ROR1: variants seen among roughly 807,000 people sequenced by gnomAD.
ROR1 encodes inactive tyrosine-protein kinase transmembrane receptor ROR1.
Under a neutral mutation model 78.8 loss-of-function variants are expected in ROR1, and 19 were observed. That is an observed-to-expected ratio of 0.24 (90% CI 0.17 to 0.35). ROR1 has a LOEUF of 0.35. ROR1 is among the 10% of genes least tolerant of loss of function. The pLI, the probability that ROR1 is intolerant of heterozygous loss-of-function variation, is 1.00. For synonymous variants in ROR1, 386 were observed against 433.6 expected, an observed-to-expected ratio of 0.89 and a Z score of 1.36; for missense variants, 917 against 1,177.8, an observed-to-expected ratio of 0.78 and a Z score of 3.24.
At chr1:63,999,123 A>G (rs114108172) in intron 1 of ROR1, among the ~76,000 whole-genome samples, 130 of 152,370 alleles carry the variant, frequency 8.5e-4, no homozygotes, top group African/African-American at 3.1e-3. Context: ...AGACTAATAC[A>G]GAAATACAGA....
At chr1:63,926,550 G>A (rs553599324) in intron 1 of ROR1, among the ~76,000 whole-genome samples, 2 of 142,530 alleles carry the variant, frequency 1.4e-5, no homozygotes, top group South Asian at 2.4e-4. Context: ...GTGAAGAAAG[G>A]CATTGGTAGC....
intron 1 of ROR1, among the ~76,000 whole-genome samples, chr1:63,785,962 A>G (rs1050023887): frequency 6.6e-6 from 1 of 152,170 alleles, no homozygotes; most frequent in South Asian, 2.1e-4. Context: ...GCCTGTGACC[A>G]GGTAGTCTTC....
intron 4 of ROR1, among the ~76,000 whole-genome samples, chr1:64,124,785 A>C (rs750337393): frequency 6.6e-6 from 1 of 152,170 alleles, no homozygotes; most frequent in Non-Finnish European, 1.5e-5. Context: ...CTGCCTTCCA[A>C]CACTACTCGA....
At chr1:64,088,593 CG>C (rs377145332) in intron 4 of ROR1, among the ~76,000 whole-genome samples, 3 of 77,096 alleles carry the variant, frequency 3.9e-5, no homozygotes, top group Non-Finnish European at 7.6e-5. Flanking sequence ...ATGCATGGGG[CG>C]GGGGGGTCGG....
chr1:64,149,473 A>T (rs2100720251), intron 7 of ROR1, among the ~76,000 whole-genome samples: 1 of 152,228 alleles, frequency 6.6e-6, no homozygotes, highest in East Asian at 1.9e-4. Flanking sequence ...CTCCAGGGAT[A>T]TAGGAATGAA....
At chr1:63,938,718 G>T (rs922420917) in intron 1 of ROR1, among the ~76,000 whole-genome samples, 5 of 152,150 alleles carry the variant, frequency 3.3e-5, no homozygotes, top group African/African-American at 1.2e-4. Context: ...AATTTAGCCT[G>T]GGTGCAGTGG....
At chr1:64,119,236 C>T (rs1195995866) in intron 4 of ROR1, among the ~76,000 whole-genome samples, 1 of 152,168 alleles carries the variant, frequency 6.6e-6, no homozygotes, top group Non-Finnish European at 1.5e-5. Context: ...CTGCCTTTTT[C>T]AGCCCACTCC....
chr1:63,869,501 G>C (rs1461098506), intron 1 of ROR1, among the ~76,000 whole-genome samples: 1 of 152,138 alleles, frequency 6.6e-6, no homozygotes. Flanking sequence ...CTTGTGTCCT[G>C]CAGATCAAGG....
At chr1:63,874,340 C>A (rs189113917) in intron 1 of ROR1, among the ~76,000 whole-genome samples, 173 of 152,056 alleles carry the variant, frequency 1.1e-3, no homozygotes, top group African/African-American at 3.8e-3. Context: ...AAGGTTGCTT[C>A]TTTTGGCCTC....
At chr1:63,860,730 C>T (rs989606388) in intron 1 of ROR1, among the ~76,000 whole-genome samples, 11 of 144,198 alleles carry the variant, frequency 7.6e-5, no homozygotes, top group Non-Finnish European at 1.5e-4. Flanking sequence ...GATCGCACCA[C>T]TGCACTCCAG....
At chr1:63,908,837 C>T (rs961402007) in intron 1 of ROR1, among the ~76,000 whole-genome samples, 2 of 152,200 alleles carry the variant, frequency 1.3e-5, no homozygotes, top group Admixed American at 1.3e-4. Flanking sequence ...CCGGCCCCTA[C>T]CATGAAAGCC....
chr1:63,827,297 C>A (rs1208509553), intron 1 of ROR1, among the ~76,000 whole-genome samples: 1 of 152,106 alleles, frequency 6.6e-6, no homozygotes, highest in African/African-American at 2.4e-5. Flanking sequence ...TAATTAGACC[C>A]CATTTGTCAA....
intron 1 of ROR1, among the ~76,000 whole-genome samples, chr1:63,831,406 G>C (rs1340472883): frequency 6.6e-6 from 1 of 152,194 alleles, no homozygotes; most frequent in African/African-American, 2.4e-5. Flanking sequence ...GGCTTCTGAA[G>C]CTCAACTTTT....
intron 4 of ROR1, among the ~76,000 whole-genome samples, chr1:64,057,398 C>T (rs1646883683): frequency 6.6e-6 from 1 of 152,192 alleles, no homozygotes; most frequent in Non-Finnish European, 1.5e-5. Flanking sequence ...AATATGAGTA[C>T]TCTGTATTAG....
At chr1:63,851,592 A>G (rs1211615811) in intron 1 of ROR1, among the ~76,000 whole-genome samples, 1 of 152,218 alleles carries the variant, frequency 6.6e-6, no homozygotes, top group African/African-American at 2.4e-5. Context: ...ATTACAATGA[A>G]TAGACTGTGG....
Position 64,178,505 on chromosome 1 carries a change from T to C in ROR1, c.2464T>C (p.Tyr822His), listed in dbSNP as rs750067125. The change falls in exon 9 of 9, where the codon TAC becomes CAC. Residue 822 changes from tyrosine to histidine, a missense_variant. Transcript: ENST00000371079. This position sits in a 1 kb window ranked among gnomAD's most constrained non-coding sequence, Gnocchi z 4.3. ...CCAGCGATTCATTCCCATCAATGGA[T>C]ACCCAATACCTCCTGGATATGCAGC... ...QNQRFIPINGYPIPPGYAAFP... is the reference protein window; with the variant it reads ...QNQRFIPINGHPIPPGYAAFP... 1.2e-6 allele frequency: 2 copies of C among 1,614,210 alleles called. No homozygotes were observed. Among genetic ancestry groups the C allele is most frequent in the South Asian group, 2.2e-5 (2 of 91,080 alleles).
At chr1:64,049,634 T>A in intron 2 of ROR1, 57 bp from the exon 3 acceptor site, 10 of 1,523,672 alleles carry the variant, frequency 6.6e-6, no homozygotes, top group Non-Finnish European at 9.0e-6. Context: ...ATTTGGCTGC[T>A]TGGAAGCCCT....
rs1557655399 is a variant in ROR1, at chr1:64,107,916, G to A, written c.483-29453G>A. On this transcript the variant is annotated intron_variant, in intron 4 of 8. Transcript: ENST00000371079. ...GAGCCAGCCATAAATATTCAGCATC[G>A]GTGGTCAGAGTTTGGCTCTGCATTA... is the stretch of plus-strand genomic sequence containing the variant. 2.6e-5 allele frequency among the ~76,000 whole-genome samples: 4 copies of A among 152,030 alleles called. No individual in the cohort carries two copies. In the South Asian group the frequency reaches 6.2e-4, roughly 24 times the overall value.
intron 8 of ROR1, among the ~76,000 whole-genome samples, chr1:64,164,469 A>G (rs1255571237): frequency 6.6e-6 from 1 of 152,238 alleles, no homozygotes; most frequent in Non-Finnish European, 1.5e-5. Flanking sequence ...TTTCTCATCC[A>G]TAAGGCAAGG....
Sources: allele counts gnomAD v4.1 joint callset (sites outside exome capture counted in the v4.1 genomes callset), GRCh38; gene constraint gnomAD v4.1.1; non-coding constraint Gnocchi (gnomAD v3.1); transcripts MANE v1.5; gene names NCBI Gene and HGNC (gene_info 2026-07-23, HGNC 2026-07-21).